The following PCIF1 variants were observed in gnomAD, a reference collection of about 807,000 sequenced individuals.
PCIF1 encodes the protein mRNA (2'-O-methyladenosine-N(6)-)-methyltransferase.
A neutral mutation model predicts 86.9 loss-of-function variants in PCIF1; 12 were observed. The observed-to-expected ratio is 0.14, with a 90% confidence interval of 0.09 to 0.22. The LOEUF (loss-of-function observed/expected upper bound fraction) is 0.22. Ranked by LOEUF, PCIF1 falls within the 10% of genes least tolerant of loss-of-function variation. The pLI, the probability that PCIF1 is intolerant of heterozygous loss-of-function variation, is 1.00. For synonymous variants in PCIF1, 397 were observed against 372.0 expected (o/e 1.07, Z -0.77); for missense variants, 701 against 951.1 (o/e 0.74, Z 3.46).
rs201431439 is a variant in PCIF1 at position 45,944,841 on chromosome 20, C to T, written c.1006-27C>T. ...GCTGAGCCCCTCTGGCCTCCACTAG[C>T]GCCCTGATCCAGAATGTGTCCTCTA... On this transcript the variant is annotated intron_variant, in intron 10 of 16. Coordinates refer to ENST00000372409, the MANE Select transcript of PCIF1 (RefSeq NM_022104.4). The T allele has an allele frequency of 1.9e-5, 31 of 1,599,416 alleles. No individual in the cohort carries two copies. In the East Asian group the frequency reaches 5.6e-4, roughly 29 times the overall value.
chr20:45,935,700 A>C (rs2083418958), intron 1 of PCIF1, among the ~76,000 whole-genome samples: 1 of 152,194 alleles, frequency 6.6e-6, no homozygotes, highest in South Asian at 2.1e-4. Flanking sequence ...ATAGTGTGAA[A>C]AAATGAGTCA....
intron 7 of PCIF1, among the ~76,000 whole-genome samples, chr20:45,942,766 CTTTTTTTTTTT>C (rs780815783): frequency 5.9e-4 from 42 of 71,756 alleles, no homozygotes; most frequent in African/African-American, 2.3e-3. Flanking sequence ...CAGCTAATTT[CTTTTTTTTTTT>C]TTTTTTTTTT....
intron 4 of PCIF1, 100 bp downstream of exon 4, chr20:45,939,439 C>G (rs1245988556): frequency 2.7e-5 from 41 of 1,517,194 alleles, no homozygotes; most frequent in Non-Finnish European, 3.7e-5. Flanking sequence ...CAGCCCTGTG[C>G]TGGCACCTGC....
rs2083496121 is a variant in PCIF1 at position 45,943,652 on chromosome 20, C to T, written c.906-14C>T. The T allele has an allele frequency of 6.4e-7, 1 of 1,554,606 alleles. No homozygotes were observed. Among genetic ancestry groups the T allele is most frequent in the Non-Finnish European group, 8.7e-7 (1 of 1,147,996 alleles). ...CAAGCCATTCCTTTCTTCTGCCCTCCCCTTGACTGGCAGGAGTGCATCCCC... is the reference window on the plus strand; with the variant it reads ...CAAGCCATTCCTTTCTTCTGCCCTCTCCTTGACTGGCAGGAGTGCATCCCC... On this transcript the variant is annotated splice_polypyrimidine_tract_variant and intron_variant, in intron 9 of 16. Coordinates refer to ENST00000372409, the MANE Select transcript of PCIF1 (RefSeq NM_022104.4). This position sits in a 1 kb window ranked among gnomAD's most constrained non-coding sequence, Gnocchi z 5.5.
intron 1 of PCIF1, among the ~76,000 whole-genome samples, chr20:45,936,219 G>C (rs976286588): frequency 6.6e-6 from 1 of 151,846 alleles, no homozygotes; most frequent in Non-Finnish European, 1.5e-5. Context: ...CTGTCGCCTG[G>C]GCTGGAGTGC....
chr20:45,940,635 C>G (rs201423412), intron 5 of PCIF1, 23 bp downstream of exon 5: 1 of 1,590,240 alleles, frequency 6.3e-7, no homozygotes, highest in East Asian at 2.2e-5. Context: ...GGCCAGGAGC[C>G]GGCTGCCGAG....
In PCIF1 at chr20:45,948,019, A is replaced by G; in HGVS notation, c.*264A>G. 7.0e-7 allele frequency: 1 copy of G among 1,428,966 alleles called. No homozygotes were observed. The highest frequency in any genetic ancestry group is 9.4e-7 in the Non-Finnish European group (1 of 1,065,006). 88.5% of individuals were successfully genotyped at this position (1,428,966 alleles called of 1,614,324 possible). A position where few individuals can be genotyped will look rare whatever the true frequency, so the allele number is the denominator to read the frequency against. On this transcript the variant is annotated 3_prime_UTR_variant, in exon 17 of 17. Coordinates refer to ENST00000372409, the MANE Select transcript of PCIF1 (RefSeq NM_022104.4). ...TAAAAGGAAATACAGAAACCCCCCC[A>G]AGAATGTGTGAGGGTCTTGAGGGCA... is the stretch of plus-strand genomic sequence containing the variant.
At chr20:45,936,645 T>C (rs2083429079) in intron 1 of PCIF1, among the ~76,000 whole-genome samples, 1 of 151,460 alleles carries the variant, frequency 6.6e-6, no homozygotes, top group South Asian at 2.1e-4. Flanking sequence ...TTTTTTTTTA[T>C]TTGGGCCCGG....
chr20:45,938,676 C>CT (rs2083445290), intron 2 of PCIF1, among the ~76,000 whole-genome samples: 1 of 152,120 alleles, frequency 6.6e-6, no homozygotes, highest in East Asian at 1.9e-4. Flanking sequence ...AGGAGGAGCT[C>CT]TGACCACCTG....
At chr20:45,945,926 CAG>C in intron 12 of PCIF1, 43 bp downstream of exon 12, 1 of 1,612,982 alleles carries the variant, frequency 6.2e-7, no homozygotes, top group Non-Finnish European at 8.5e-7. Context: ...TGGCATGAGT[CAG>C]GGCCTAGGAT....
intron 5 of PCIF1, 62 bp from the exon 6 acceptor site, chr20:45,940,747 G>T: frequency 6.3e-7 from 1 of 1,598,502 alleles, no homozygotes; most frequent in Non-Finnish European, 8.5e-7. Context: ...GGTGTGCACT[G>T]TATTGGATGG....
rs145344384 is a variant in PCIF1 at position 45,946,447 on chromosome 20, C to T, written c.1613+63C>T. 5.1e-4 allele frequency: 783 copies of T among 1,548,794 alleles called. 10 individuals are homozygous for T. The African/African-American group carries it at 9.4e-3, about 19-fold the overall frequency. On this transcript the variant is annotated intron_variant, in intron 14 of 16. Coordinates refer to ENST00000372409, the MANE Select transcript of PCIF1 (RefSeq NM_022104.4). ...AAGAGGTCCTCCAGAGCACAGGGCCCGCCTCTGCTGGCTGTAGTGTCAGGC... is the reference window on the plus strand; with the variant it reads ...AAGAGGTCCTCCAGAGCACAGGGCCTGCCTCTGCTGGCTGTAGTGTCAGGC...
rs777123317 is a variant in PCIF1 at position 45,939,081 on chromosome 20, C to T, written c.82C>T (p.Pro28Ser). 6.2e-7 allele frequency: 1 copy of T among 1,614,066 alleles called. No individual in the cohort carries two copies. The highest frequency in any genetic ancestry group is 2.2e-5 in the East Asian group (1 of 44,878). The change falls in exon 3 of 17, where the codon CCC (proline) becomes TCC (serine). Residue 28 changes from proline to serine, a missense_variant. This residue lies in a region of PCIF1 where 60 missense variants were observed against 58.6 expected (regional missense o/e 1.02). Coordinates refer to ENST00000372409, the MANE Select transcript of PCIF1 (RefSeq NM_022104.4). ...HSPGTSNQSQ[P>S]CSPKPIRLVQ... is the part of the protein sequence containing the mutation. ...CCCAGGTACCTCCAATCAGAGCCAG[C>T]CCTGTTCTCCAAAGCCAATCCGCCT... is the stretch of plus-strand genomic sequence containing the variant.
rs2083495806 is a variant in PCIF1 at position 45,943,616 on chromosome 20, G to T, written c.906-50G>T. The T allele has an allele frequency of 3.3e-6, 5 of 1,510,540 alleles. No homozygotes were observed. Among genetic ancestry groups the T allele is most frequent in the Non-Finnish European group, 4.5e-6 (5 of 1,110,322 alleles). 93.6% of individuals were successfully genotyped at this position (1,510,540 alleles called of 1,614,324 possible). ...AGCGAGCCCATGGAATTGGGATGAG[G>T]AGGGTGGAGCCAAGCCATTCCTTTC... is the stretch of plus-strand genomic sequence containing the variant. On this transcript the variant is annotated intron_variant, in intron 9 of 16. Transcript: ENST00000372409. This position sits in a 1 kb window ranked among gnomAD's most constrained non-coding sequence, Gnocchi z 5.5.
intron 2 of PCIF1, among the ~76,000 whole-genome samples, chr20:45,938,472 T>C (rs1232768777): frequency 6.6e-6 from 1 of 152,240 alleles, no homozygotes; most frequent in South Asian, 2.1e-4. Flanking sequence ...TCTTTTTTGC[T>C]GCTCTTGGTG....
At position 45,947,007 on chromosome 20, in the gene PCIF1, T is replaced by A. The variant is rs934619977; in HGVS notation, c.1614-66T>A. 5 of 1,370,744 alleles carry A rather than the reference T, an allele frequency of 3.6e-6. No homozygotes were observed. Among genetic ancestry groups the A allele is most frequent in the South Asian group, 1.3e-5 (1 of 78,060 alleles). 84.9% of individuals were successfully genotyped at this position (1,370,744 alleles called of 1,614,324 possible). ...AGTGTGGCTGCCTAGGGTTGGGGGGTGGCACCTGTTTCTGGTTGAGGGACT... is the reference window on the plus strand; with the variant it reads ...AGTGTGGCTGCCTAGGGTTGGGGGGAGGCACCTGTTTCTGGTTGAGGGACT... On this transcript the variant is annotated intron_variant, in intron 14 of 16. Coordinates refer to ENST00000372409, the MANE Select transcript of PCIF1 (RefSeq NM_022104.4). This position sits in a 1 kb window ranked among gnomAD's most constrained non-coding sequence, Gnocchi z 5.4.
At position 45,941,331 on chromosome 20, in the gene PCIF1, A is replaced by C. The variant is rs147960325; in HGVS notation, c.673+124A>C. The C allele has an allele frequency of 1.8e-3, 2,034 of 1,144,318 alleles. 18 individuals are homozygous for C. Among genetic ancestry groups the C allele is most frequent in the Middle Eastern group, 5.0e-3 (16 of 3,214 alleles). 70.9% of individuals were successfully genotyped at this position (1,144,318 alleles called of 1,614,324 possible). ...TGGTGAGCCATGATCACACCAGTGC[A>C]CTCCAGCCTGAGTGACAGAGCAAGA... is the stretch of plus-strand genomic sequence containing the variant. On this transcript the variant is annotated intron_variant, in intron 7 of 16. Transcript: ENST00000372409.
chr20:45,941,172 G>A lies in PCIF1; in HGVS notation c.638G>A (p.Arg213Gln), dbSNP rs2083466761. The A allele has an allele frequency of 6.2e-7, 1 of 1,613,546 alleles. No individual in the cohort carries two copies. The highest frequency in any genetic ancestry group is 8.5e-7 in the Non-Finnish European group (1 of 1,179,806). Reference sequence around the variant, plus strand: ...CGCTCTCAGCTCATCCTGAAGCTTCGGCAGCACTATCGGGAGCTGTGCCAG... The same window carrying A: ...CGCTCTCAGCTCATCCTGAAGCTTCAGCAGCACTATCGGGAGCTGTGCCAG... ...LLRSQLILKL[R>Q]QHYRELCQQR... Residue 213 changes from arginine to glutamine, a missense_variant, in exon 7 of 17, where the codon CGG becomes CAG. Physicochemically the swap from Arg to Gln is conservative, Grantham distance 43. Transcript: ENST00000372409.
chr20:45,934,938 T>A, intron 1 of PCIF1, 134 bp downstream of exon 1: 1 of 395,334 alleles, frequency 2.5e-6, no homozygotes, highest in Non-Finnish European at 4.5e-6. Context: ...GCCGCCGCCA[T>A]CTTAGACCCG....
Sources: allele counts gnomAD v4.1 joint callset (sites outside exome capture counted in the v4.1 genomes callset), GRCh38; gene constraint gnomAD v4.1.1; regional missense constraint gnomAD v4.1.1; non-coding constraint Gnocchi (gnomAD v3.1); transcripts MANE v1.5; gene names NCBI Gene and HGNC (gene_info 2026-07-23, HGNC 2026-07-21).